GLIS3: variants seen among roughly 807,000 people sequenced by gnomAD.
GLIS3 encodes the protein GLIS family zinc finger 3.
In GLIS3, 53 loss-of-function variants were observed where a neutral mutation model predicts 78.6. The ratio of observed to expected loss-of-function variants is 0.67; its 90% confidence interval spans 0.54 to 0.85. The LOEUF is 0.85. Ranked by LOEUF, GLIS3 falls within the 40% of genes least tolerant of loss-of-function variation. GLIS3 has a pLI of 0.00. For missense variants in GLIS3, 1,703 were observed against 1,231.1 expected (o/e 1.38, Z -5.74); for synonymous variants, 684 against 509.9 (o/e 1.34, Z -4.60).
At chr9:4,026,653 T>C (rs1244441650) in intron 4 of GLIS3, among the ~76,000 whole-genome samples, 1 of 152,204 alleles carries the variant, frequency 6.6e-6, no homozygotes, top group Non-Finnish European at 1.5e-5. Flanking sequence ...ATAAATAATA[T>C]ACTTCTAAAC....
chr9:4,365,160 G>A, the GLIS3 span, among the ~76,000 whole-genome samples: 6 of 152,260 alleles, frequency 3.9e-5, no homozygotes, highest in African/African-American at 1.2e-4. Flanking sequence ...GACATACTGC[G>A]AAGTGTTATG....
Position 4,136,231 on chromosome 9 carries a change from TC to T in GLIS3, c.389-10291del, listed in dbSNP as rs1252300278. Among the ~76,000 whole-genome samples, 6 of 152,168 alleles carry T rather than the reference TC, an allele frequency of 3.9e-5. 1 individual carries two copies. Among genetic ancestry groups the T allele is most frequent in the Non-Finnish European group, 5.9e-5 (4 of 68,032 alleles). ...CTCACCTAGGAACAATCGGATAATG[TC>T]GCTAGACTGTACAGTATTAAGCATG... On this transcript the variant is annotated intron_variant, in intron 2 of 10. Transcript: ENST00000381971.
At chr9:4,085,315 C>CT (rs979369966) in intron 4 of GLIS3, among the ~76,000 whole-genome samples, 2 of 150,774 alleles carry the variant, frequency 1.3e-5, no homozygotes, top group African/African-American at 4.9e-5. Flanking sequence ...TCTAAGGGTT[C>CT]TTTTTTCTTC....
chr9:4,399,871 G>A, the GLIS3 span, among the ~76,000 whole-genome samples: 4 of 152,168 alleles, frequency 2.6e-5, no homozygotes, highest in Admixed American at 6.5e-5. Context: ...AGGAAAAGAT[G>A]GAGGGAAAAA....
At chr9:4,046,526 G>C (rs896197532) in intron 4 of GLIS3, among the ~76,000 whole-genome samples, 2 of 152,162 alleles carry the variant, frequency 1.3e-5, no homozygotes, top group African/African-American at 4.8e-5. Flanking sequence ...ACAGAAAACT[G>C]AACATGGGTC....
At chr9:3,888,169 C>T (rs1026113674) in intron 7 of GLIS3, among the ~76,000 whole-genome samples, 1 of 152,136 alleles carries the variant, frequency 6.6e-6, no homozygotes, top group Non-Finnish European at 1.5e-5. Context: ...GCCAATCACT[C>T]CTGGAAGTTC....
chr9:4,198,340 T>G (rs1171010293), intron 2 of GLIS3, among the ~76,000 whole-genome samples: 3 of 152,162 alleles, frequency 2.0e-5, no homozygotes, highest in African/African-American at 7.2e-5. Flanking sequence ...AAATTGTATT[T>G]TCAAATTCCT....
chr9:4,053,883 G>A (rs995073395), intron 4 of GLIS3, among the ~76,000 whole-genome samples: 4 of 151,876 alleles, frequency 2.6e-5, no homozygotes, highest in Non-Finnish European at 5.9e-5. Flanking sequence ...CATCAAACAC[G>A]GCAATCTGTT....
chr9:4,226,349 C>T (rs939094465), intron 2 of GLIS3, among the ~76,000 whole-genome samples: 6 of 152,124 alleles, frequency 3.9e-5, no homozygotes, highest in African/African-American at 1.2e-4. Context: ...TTTTTAACAA[C>T]TTCATACTCA....
chr9:4,229,714 AAG>A (rs1204200876), intron 2 of GLIS3, among the ~76,000 whole-genome samples: 1 of 152,262 alleles, frequency 6.6e-6, no homozygotes, highest in Non-Finnish European at 1.5e-5. Context: ...AAGTAAAAGA[AAG>A]AGAACTCTAA....
At chr9:4,137,095 G>A (rs1564103030) in intron 2 of GLIS3, among the ~76,000 whole-genome samples, 1 of 152,186 alleles carries the variant, frequency 6.6e-6, no homozygotes, top group Non-Finnish European at 1.5e-5. Flanking sequence ...AGCAGCCACA[G>A]GGTGGTAAAT....
At chr9:4,089,893 C>T (rs1829349619) in intron 4 of GLIS3, among the ~76,000 whole-genome samples, 2 of 152,176 alleles carry the variant, frequency 1.3e-5, no homozygotes, top group Admixed American at 1.3e-4. Flanking sequence ...AGGGAAAAAT[C>T]CACATTTCCG....
chr9:4,139,202 T>C (rs1346316123), intron 2 of GLIS3, among the ~76,000 whole-genome samples: 3 of 152,146 alleles, frequency 2.0e-5, no homozygotes, highest in Non-Finnish European at 2.9e-5. Context: ...CTTTTTCCCC[T>C]GCCCCAAGCC....
chr9:4,211,387 C>G (rs980215474), intron 2 of GLIS3, among the ~76,000 whole-genome samples: 1 of 152,218 alleles, frequency 6.6e-6, no homozygotes, highest in Non-Finnish European at 1.5e-5. Flanking sequence ...TTCATTCACA[C>G]TCAGTGCAGA....
At chr9:4,058,314 A>T (rs76843011) in intron 4 of GLIS3, among the ~76,000 whole-genome samples, 2 of 151,844 alleles carry the variant, frequency 1.3e-5, no homozygotes, top group East Asian at 3.9e-4. Context: ...AATAAGGCAT[A>T]AAAAAAAGCA....
At chr9:4,030,509 C>T (rs1823742680) in intron 4 of GLIS3, among the ~76,000 whole-genome samples, 2 of 152,186 alleles carry the variant, frequency 1.3e-5, no homozygotes, top group Admixed American at 1.3e-4. Context: ...CAAGAAATCT[C>T]TGCCAAGACC....
intron 7 of GLIS3, among the ~76,000 whole-genome samples, chr9:3,884,672 A>G (rs1288475420): frequency 6.6e-6 from 1 of 152,124 alleles, no homozygotes; most frequent in Non-Finnish European, 1.5e-5. Flanking sequence ...ATAATGTGCA[A>G]AGTTCTTTAT....
intron 9 of GLIS3, among the ~76,000 whole-genome samples, chr9:3,837,139 C>T (rs753943913): frequency 6.6e-6 from 1 of 152,192 alleles, no homozygotes; most frequent in African/African-American, 2.4e-5. Flanking sequence ...CACTGACCTA[C>T]GACAGGTCTG....
chr9:4,394,231 G>A, the GLIS3 span, among the ~76,000 whole-genome samples: 1 of 151,360 alleles, frequency 6.6e-6, no homozygotes, highest in Non-Finnish European at 1.5e-5. Flanking sequence ...TTTCTTTTAG[G>A]AGACATTGAT....
Sources: gnomAD v4.1 joint callset for allele counts (sites outside exome capture counted in the v4.1 genomes callset) on GRCh38, gnomAD v4.1.1 for gene constraint, MANE v1.5 for transcripts, NCBI Gene and HGNC (gene_info 2026-07-23, HGNC 2026-07-21) for gene names.